STRA8: variants seen among roughly 807,000 people sequenced by gnomAD.
The protein encoded by STRA8 is stimulated by retinoic acid gene 8 protein homolog.
In STRA8, 18 loss-of-function variants were observed where a neutral mutation model predicts 37.1. The observed-to-expected ratio is 0.48, with a 90% confidence interval of 0.34 to 0.72. The LOEUF (loss-of-function observed/expected upper bound fraction) is 0.72. Ranked by LOEUF, STRA8 falls within the 30% of genes least tolerant of loss-of-function variation. The pLI is 0.01. For synonymous variants in STRA8, 168 were observed against 162.9 expected, an observed-to-expected ratio of 1.03 and a Z score of -0.24; for missense variants, 357 against 410.4, an observed-to-expected ratio of 0.87 and a Z score of 1.13.
intron 7 of STRA8, among the ~76,000 whole-genome samples, chr7:135,253,966 C>T (rs924881654): frequency 2.6e-5 from 4 of 152,210 alleles, no homozygotes; most frequent in Admixed American, 1.3e-4. Context: ...GGCCTTTCAG[C>T]AGAGCTTCAG....
rs1358240056 is a variant in STRA8 at position 135,246,973 on chromosome 7, T to C, written c.879+271T>C. 6.6e-6 allele frequency among the ~76,000 whole-genome samples: 1 copy of C among 151,872 alleles called. No individual in the cohort carries two copies. The highest frequency in any genetic ancestry group is 2.4e-5 in the African/African-American group (1 of 41,400). On this transcript the variant is annotated intron_variant, in intron 6 of 8. Transcript: ENST00000662584. The surrounding 1 kb of genome is among the most constrained non-coding windows in gnomAD (Gnocchi z 5.4). The stretch of plus-strand genomic sequence containing the variant: ...CATTCTCCTGCCTCAGCCTCCCGAA[T>C]AGCTGGGACTACAGGCGCCCGCCAC...
Position 135,243,404 on chromosome 7 carries a change from A to G in STRA8, c.347A>G (p.Asn116Ser), listed in dbSNP as rs1832497074. The change falls in exon 4 of 9, where the codon AAT (asparagine) becomes AGT (serine). Residue 116 changes from asparagine to serine, a missense_variant. Coordinates refer to ENST00000662584, the MANE Select transcript of STRA8 (RefSeq NM_001394401.1). ...GAATATGCCAGCATGTATTCTGGAAATGACAGGTAAGACACCACAAACCCC... is the reference window on the plus strand; with the variant it reads ...GAATATGCCAGCATGTATTCTGGAAGTGACAGGTAAGACACCACAAACCCC... Reference protein sequence around the residue: ...KKEYASMYSGNDSLLSNSFPQ... With the variant: ...KKEYASMYSGSDSLLSNSFPQ... 6.2e-7 allele frequency: 1 copy of G among 1,614,068 alleles called. No individual in the cohort carries two copies. The highest frequency in any genetic ancestry group is 1.7e-5 in the Admixed American group (1 of 60,020).
At chr7:135,255,073 A>G in intron 7 of STRA8, 41 bp from the exon 8 acceptor site, 1 of 1,494,398 alleles carries the variant, frequency 6.7e-7, no homozygotes, top group Non-Finnish European at 9.3e-7. Flanking sequence ...AAAGATCAGG[A>G]TCCTGAATAT....
At chr7:135,251,948 G>T in intron 7 of STRA8, 79 bp downstream of exon 7, 1 of 1,345,896 alleles carries the variant, frequency 7.4e-7, no homozygotes, top group South Asian at 1.2e-5. Context: ...GTGTATGTGT[G>T]AGTTTGCATG....
intron 1 of STRA8, among the ~76,000 whole-genome samples, chr7:135,239,677 T>C (rs1832431672): frequency 6.6e-6 from 1 of 152,174 alleles, no homozygotes; most frequent in African/African-American, 2.4e-5. Context: ...CTGGCCCCTG[T>C]ATCTTATTAA....
chr7:135,253,676 C>T (rs561614373), intron 7 of STRA8, among the ~76,000 whole-genome samples: 14 of 152,178 alleles, frequency 9.2e-5, no homozygotes, highest in Non-Finnish European at 2.1e-4. Flanking sequence ...CTAACAATGT[C>T]CCAAAGGTGT....
At chr7:135,242,124 TGGAAGGGA>T (rs1335854039) in intron 2 of STRA8, among the ~76,000 whole-genome samples, 5 of 70,878 alleles carry the variant, frequency 7.1e-5, no homozygotes, top group East Asian at 4.0e-4. Context: ...AAAAGGAAGT[TGGAAGGGA>T]GGAAGGGAGG....
intron 8 of STRA8, among the ~76,000 whole-genome samples, chr7:135,258,131 C>T (rs1832727159): frequency 6.6e-6 from 1 of 152,196 alleles, no homozygotes; most frequent in South Asian, 2.1e-4. Context: ...TTATGAGGTC[C>T]TCTGTCTCTC....
chr7:135,234,596 A>G (rs1562967453), intron 1 of STRA8, among the ~76,000 whole-genome samples: 2 of 152,004 alleles, frequency 1.3e-5, no homozygotes, highest in African/African-American at 4.8e-5. Flanking sequence ...AGGTGAGGGC[A>G]TTTTTTTTAA....
At chr7:135,237,705 A>C (rs1363815126) in intron 1 of STRA8, among the ~76,000 whole-genome samples, 1 of 152,166 alleles carries the variant, frequency 6.6e-6, no homozygotes, top group Non-Finnish European at 1.5e-5. Context: ...CAGCCTGACC[A>C]ACACGGTGAA....
intron 7 of STRA8, 57 bp from the exon 8 acceptor site, chr7:135,255,057 G>C: frequency 7.3e-7 from 1 of 1,364,656 alleles, no homozygotes; most frequent in South Asian, 1.2e-5. Flanking sequence ...GGGGGAAGCA[G>C]AGTTGAAAGA....
At chr7:135,252,888 C>T (rs1047840269) in intron 7 of STRA8, among the ~76,000 whole-genome samples, 3 of 152,110 alleles carry the variant, frequency 2.0e-5, no homozygotes, top group African/African-American at 7.2e-5. Flanking sequence ...GGATAAAATT[C>T]ACATGGTGTA....
At chr7:135,240,800 G>A in intron 2 of STRA8, 84 bp downstream of exon 2, 1 of 1,503,984 alleles carries the variant, frequency 6.6e-7, no homozygotes, top group South Asian at 1.2e-5. Context: ...TTGCAAGGCA[G>A]GGACTGGCCT....
chr7:135,234,587 G>A (rs923145881), intron 1 of STRA8, among the ~76,000 whole-genome samples: 1 of 152,162 alleles, frequency 6.6e-6, no homozygotes, highest in Non-Finnish European at 1.5e-5. Context: ...ATTTGGAGAA[G>A]GTGAGGGCAT....
chr7:135,246,337 G>A lies in STRA8; in HGVS notation c.594-80G>A, dbSNP rs976849844. On this transcript the variant is annotated intron_variant, in intron 5 of 8. Transcript: ENST00000662584. This position sits in a 1 kb window ranked among gnomAD's most constrained non-coding sequence, Gnocchi z 5.4. ...GCGCCGTGGCCGGGCCTGCGTGCTG[G>A]GGTCCACACCATGAACCGAATCCCG... 1.3e-6 allele frequency: 2 copies of A among 1,536,212 alleles called. No homozygotes were observed. Among genetic ancestry groups the A allele is most frequent in the Non-Finnish European group, 1.8e-6 (2 of 1,133,684 alleles).
chr7:135,257,111 T>G (rs971913262), intron 8 of STRA8, among the ~76,000 whole-genome samples: 9 of 152,252 alleles, frequency 5.9e-5, no homozygotes, highest in Non-Finnish European at 1.2e-4. Context: ...GAGAGCATGG[T>G]GAATGGGAAC....
intron 4 of STRA8, among the ~76,000 whole-genome samples, chr7:135,244,963 A>T (rs1832523345): frequency 6.6e-6 from 1 of 152,182 alleles, no homozygotes; most frequent in Non-Finnish European, 1.5e-5. Context: ...GATACCCTTT[A>T]TCAGGTTAAC....
In STRA8 at chr7:135,255,205, G is replaced by C; in HGVS notation, c.1045G>C (p.Ala349Pro). The change falls in exon 8 of 9, where the codon GCA (alanine) becomes CCA (proline). Residue 349 changes from alanine (A) to proline (P), a missense_variant. Physicochemically the swap from Ala to Pro is conservative, Grantham distance 27 (BLOSUM62 -1). Transcript: ENST00000662584. ...IINFFKGLSC[A>P]NTQVKQEASF... ...CAACTTTTTTAAAGGCCTTAGCTGT[G>C]CAAACACTCAAGTAAAGCAGGTAGG... 4 of 1,613,702 alleles carry C rather than the reference G, an allele frequency of 2.5e-6. No individual in the cohort carries two copies. The highest frequency in any genetic ancestry group is 2.5e-6 in the Non-Finnish European group (3 of 1,179,642).
At chr7:135,248,831 A>G (rs1024280313) in intron 6 of STRA8, among the ~76,000 whole-genome samples, 3 of 152,326 alleles carry the variant, frequency 2.0e-5, no homozygotes, top group South Asian at 2.1e-4. Context: ...CAGATGTTCA[A>G]TGGCCTACCA....
Sources: allele counts gnomAD v4.1 joint callset (sites outside exome capture counted in the v4.1 genomes callset), GRCh38; gene constraint gnomAD v4.1.1; non-coding constraint Gnocchi (gnomAD v3.1); transcripts MANE v1.5; gene names NCBI Gene and HGNC (gene_info 2026-07-23, HGNC 2026-07-21).